The following CMKLR1 variants were observed in gnomAD, a reference collection of about 807,000 sequenced individuals.
CMKLR1 encodes the protein chemerin chemokine-like receptor 1, also known as chemerin-like receptor 1.
A neutral mutation model predicts 8.2 loss-of-function variants in CMKLR1; 6 were observed. That is an observed-to-expected ratio of 0.73 (90% confidence interval 0.40 to 1.44). The LOEUF is 1.44. Among genes scored for constraint, CMKLR1 ranks in the 40% most tolerant of loss-of-function variants. The probability of loss-of-function intolerance (pLI) is 0.02; values close to 1 mark genes in which losing one functional copy is unlikely to be tolerated. For missense variants in CMKLR1, 429 were observed against 478.0 expected (o/e 0.90, Z 0.96); for synonymous variants, 178 against 181.2 (o/e 0.98, Z 0.14).
chr12:108,306,951 G>A (rs1566022267), intron 2 of CMKLR1, among the ~76,000 whole-genome samples: 1 of 152,108 alleles, frequency 6.6e-6, no homozygotes, highest in Admixed American at 6.5e-5. Context: ...AGCCCCTGTA[G>A]CCCCCAATAA....
At chr12:108,323,831 A>C (rs1891918339) in intron 2 of CMKLR1, among the ~76,000 whole-genome samples, 1 of 152,186 alleles carries the variant, frequency 6.6e-6, no homozygotes, top group Admixed American at 6.5e-5. Context: ...GATCATTGCC[A>C]ACTCCAGACT....
chr12:108,322,093 T>C (rs1170374605), intron 2 of CMKLR1, among the ~76,000 whole-genome samples: 2 of 152,184 alleles, frequency 1.3e-5, no homozygotes, highest in South Asian at 2.1e-4. Flanking sequence ...CAGGTATATG[T>C]TACATGAGGG....
intron 2 of CMKLR1, among the ~76,000 whole-genome samples, chr12:108,304,705 C>T (rs188139112): frequency 3.9e-5 from 6 of 152,314 alleles, no homozygotes; most frequent in Non-Finnish European, 1.5e-5. Context: ...TTTTCTCCAC[C>T]TCCTGCACAC....
intron 1 of CMKLR1, among the ~76,000 whole-genome samples, chr12:108,337,809 G>A (rs1892264658): frequency 6.6e-6 from 1 of 152,142 alleles, no homozygotes; most frequent in African/African-American, 2.4e-5. Context: ...TTAAAGAAAA[G>A]GCCAAGCTGC....
At chr12:108,302,260 G>T (rs548388505) in intron 2 of CMKLR1, among the ~76,000 whole-genome samples, 2 of 152,298 alleles carry the variant, frequency 1.3e-5, no homozygotes, top group South Asian at 2.1e-4. Context: ...TGGCCGGGTG[G>T]GAGCACAGGC....
chr12:108,301,366 G>A (rs566186197), intron 2 of CMKLR1, among the ~76,000 whole-genome samples: 7 of 152,076 alleles, frequency 4.6e-5, no homozygotes, highest in South Asian at 4.2e-4. Flanking sequence ...ATGAGCCACC[G>A]TGCTCGGCCG....
chr12:108,299,705 G>C (rs1372234409), intron 2 of CMKLR1, among the ~76,000 whole-genome samples: 5 of 152,162 alleles, frequency 3.3e-5, no homozygotes, highest in Non-Finnish European at 7.3e-5. Flanking sequence ...ATGTGGGGAT[G>C]GAGGCAGAGA....
chr12:108,337,579 GC>G (rs1478889240), intron 1 of CMKLR1, among the ~76,000 whole-genome samples: 23 of 152,158 alleles, frequency 1.5e-4, no homozygotes, highest in Admixed American at 1.5e-3. Context: ...GGAGGGATAG[GC>G]CCTGGGAGAG....
At chr12:108,295,746 G>A (rs1891117180) in intron 2 of CMKLR1, among the ~76,000 whole-genome samples, 1 of 152,254 alleles carries the variant, frequency 6.6e-6, no homozygotes, top group South Asian at 2.1e-4. Context: ...GGCTGGGTGT[G>A]TGAGTCCCGA....
chr12:108,330,787 T>C (rs1035544778), intron 1 of CMKLR1, among the ~76,000 whole-genome samples: 1 of 151,980 alleles, frequency 6.6e-6, no homozygotes, highest in Non-Finnish European at 1.5e-5. Context: ...CAGAAGGAGG[T>C]AGACATAGGA....
chr12:108,314,376 G>T (rs1392242229), intron 2 of CMKLR1, among the ~76,000 whole-genome samples: 1 of 152,150 alleles, frequency 6.6e-6, no homozygotes, highest in Non-Finnish European at 1.5e-5. Flanking sequence ...GAATAGTAAG[G>T]CTTCCTGATG....
rs1422090978 is a variant in CMKLR1 at position 108,290,335 on chromosome 12, C to A, written c.*1506G>T. ...TAGCTGGGTACCTTTGGGCAAGTTA[C>A]TTAACCTCTCTAAGCCTCAGATTCC... On this transcript the variant is annotated 3_prime_UTR_variant, in exon 4 of 4. Coordinates refer to ENST00000550402, the MANE Select transcript of CMKLR1 (RefSeq NM_001142343.2). The A allele has an allele frequency of 1.3e-5, 2 of 152,174 alleles. No individual in the cohort carries two copies. The highest frequency in any genetic ancestry group is 2.4e-5 in the African/African-American group (1 of 41,448). 9.4% of individuals were successfully genotyped at this position (152,174 alleles called of 1,614,324 possible).
intron 2 of CMKLR1, among the ~76,000 whole-genome samples, chr12:108,304,290 T>C (rs1419447183): frequency 6.6e-6 from 1 of 152,122 alleles, no homozygotes; most frequent in Non-Finnish European, 1.5e-5. Context: ...AGGACTGGGA[T>C]TCAAAACCCA....
chr12:108,321,889 G>A (rs989718219), intron 2 of CMKLR1, among the ~76,000 whole-genome samples: 23 of 152,208 alleles, frequency 1.5e-4, no homozygotes, highest in Non-Finnish European at 3.1e-4. Context: ...CTGATCTCCA[G>A]TGTTGGAGGT....
intron 2 of CMKLR1, among the ~76,000 whole-genome samples, chr12:108,301,808 C>T (rs1029139437): frequency 6.6e-6 from 1 of 152,170 alleles, no homozygotes; most frequent in African/African-American, 2.4e-5. Flanking sequence ...TGGCTCCACT[C>T]AATTGCTCAT....
intron 2 of CMKLR1, among the ~76,000 whole-genome samples, chr12:108,300,632 G>T (rs1789979916): frequency 6.6e-6 from 1 of 152,126 alleles, no homozygotes; most frequent in South Asian, 2.1e-4. Context: ...ATCAGGGCTG[G>T]ACTATTGCTC....
At chr12:108,325,683 C>G (rs1891966734) in intron 2 of CMKLR1, among the ~76,000 whole-genome samples, 1 of 152,128 alleles carries the variant, frequency 6.6e-6, no homozygotes, top group African/African-American at 2.4e-5. Flanking sequence ...GGCAATCAAG[C>G]AAGGAAGTCA....
At chr12:108,313,240 T>C (rs1180762888) in intron 2 of CMKLR1, among the ~76,000 whole-genome samples, 1 of 151,672 alleles carries the variant, frequency 6.6e-6, no homozygotes, top group African/African-American at 2.4e-5. Context: ...CTAGGAGGGG[T>C]CTTGCTGGAA....
chr12:108,297,093 G>T (rs908631784), intron 2 of CMKLR1, among the ~76,000 whole-genome samples: 1 of 152,070 alleles, frequency 6.6e-6, no homozygotes, highest in East Asian at 1.9e-4. Context: ...TTTTAACTGC[G>T]TGGGTCCACT....
Sources: gnomAD v4.1 joint callset for allele counts (sites outside exome capture counted in the v4.1 genomes callset) on GRCh38, gnomAD v4.1.1 for gene constraint, MANE v1.5 for transcripts, NCBI Gene and HGNC (gene_info 2026-07-23, HGNC 2026-07-21) for gene names.